The following FRY variants were observed in gnomAD, a reference collection of about 807,000 sequenced individuals.
The protein encoded by FRY is protein furry homolog.
Under a neutral mutation model 348.4 loss-of-function variants are expected in FRY, and 128 were observed. The ratio of observed to expected loss-of-function variants is 0.37; its 90% CI spans 0.32 to 0.43. FRY has a LOEUF of 0.43. Among genes scored for constraint, FRY ranks in the 20% least tolerant of loss-of-function variants. FRY has a pLI of 1.00. For missense variants in FRY, 2,736 were observed against 3,695.2 expected, an observed-to-expected ratio of 0.74 and a Z score of 6.73; for synonymous variants, 1,370 against 1,374.7, an observed-to-expected ratio of 1.00 and a Z score of 0.08.
chr13:32,183,776 CAAAAA>C (rs10706504), intron 24 of FRY, among the ~76,000 whole-genome samples: 2 of 78,112 alleles, frequency 2.6e-5, no homozygotes, highest in Non-Finnish European at 4.7e-5. Context: ...ACTCTGTCTC[CAAAAA>C]AAAAAAAAAA....
intron 8 of FRY, among the ~76,000 whole-genome samples, chr13:32,132,129 C>G (rs747079452): frequency 6.6e-6 from 1 of 151,934 alleles, no homozygotes; most frequent in Non-Finnish European, 1.5e-5. Context: ...TAAAATATAA[C>G]TGATTTTTAC....
chr13:32,037,236 A>T (rs1402249995), intron 1 of FRY, among the ~76,000 whole-genome samples: 5 of 152,220 alleles, frequency 3.3e-5, no homozygotes, highest in Admixed American at 2.0e-4. Context: ...GTAATAAGGC[A>T]CATTTCTTCT....
At chr13:32,193,365 G>T (rs1883468159) in intron 28 of FRY, among the ~76,000 whole-genome samples, 1 of 151,518 alleles carries the variant, frequency 6.6e-6, no homozygotes, top group Non-Finnish European at 1.5e-5. Flanking sequence ...TGATACACAA[G>T]TATACTTCAC....
intron 39 of FRY, among the ~76,000 whole-genome samples, chr13:32,226,355 C>T (rs942114917): frequency 6.6e-6 from 1 of 152,058 alleles, no homozygotes; most frequent in Non-Finnish European, 1.5e-5. Flanking sequence ...GCCAAGGTGC[C>T]GGATGTATCA....
intron 1 of FRY, among the ~76,000 whole-genome samples, chr13:32,064,804 T>C (rs1244551445): frequency 6.6e-6 from 1 of 152,240 alleles, no homozygotes; most frequent in East Asian, 1.9e-4. Context: ...GAATGCCTTA[T>C]ACTAAGGTCT....
At chr13:32,245,625 T>C (rs1363309395) in intron 47 of FRY, among the ~76,000 whole-genome samples, 2 of 151,368 alleles carry the variant, frequency 1.3e-5, no homozygotes, top group African/African-American at 4.9e-5. Context: ...GGAATATAGA[T>C]AGATGGAAAG....
Position 32,078,985 on chromosome 13 carries a change from C to T in FRY, c.222C>T (p.Phe74=). 1 of 1,613,970 alleles carries T rather than the reference C, an allele frequency of 6.2e-7. No homozygotes were observed. Among genetic ancestry groups the T allele is most frequent in the Non-Finnish European group, 8.5e-7 (1 of 1,179,862 alleles). Residue 74 remains phenylalanine (F), a synonymous_variant, in exon 2 of 61, where the codon TTC becomes TTT. Coordinates refer to ENST00000542859, the MANE Select transcript of FRY (RefSeq NM_023037.3). ...EYVLKSLFVN[F]TTQAERKIRI... is the part of the protein sequence containing the mutation. ...TCCTCAAAAGTTTATTTGTCAACTT[C>T]ACCACTCAGGCTGAACGCAAGATTC...
At chr13:32,167,164 A>G (rs990058983) in intron 17 of FRY, among the ~76,000 whole-genome samples, 6 of 152,192 alleles carry the variant, frequency 3.9e-5, no homozygotes, top group Non-Finnish European at 8.8e-5. Context: ...AGACCATGAC[A>G]TGGCTTTCGT....
chr13:32,254,821 A>G (rs913068064), intron 51 of FRY, among the ~76,000 whole-genome samples: 9 of 152,234 alleles, frequency 5.9e-5, no homozygotes, highest in Non-Finnish European at 1.2e-4. Context: ...GCCTGCTACA[A>G]CATGAGACCA....
chr13:32,079,020 T>C lies in FRY; in HGVS notation c.257T>C (p.Met86Thr), dbSNP rs1421219590. ...TQAERKIRII[M>T]AEPLEKPLTK... ...GCTGAACGCAAGATTCGTATCATTA[T>C]GGCAGAGCCCCTGGTGAGTACATGC... The change falls in exon 2 of 61, where the codon ATG (methionine) becomes ACG (threonine). Residue 86 changes from methionine to threonine, a missense_variant. Coordinates refer to ENST00000542859, the MANE Select transcript of FRY (RefSeq NM_023037.3). The C allele has an allele frequency of 1.2e-6, 2 of 1,612,546 alleles. No individual in the cohort carries two copies. Among genetic ancestry groups the C allele is most frequent in the East Asian group, 2.2e-5 (1 of 44,870 alleles).
intron 47 of FRY, 33 bp from the exon 48 acceptor site, chr13:32,247,290 A>G (rs775180737): frequency 6.4e-7 from 1 of 1,566,716 alleles, no homozygotes; most frequent in Non-Finnish European, 8.8e-7. Context: ...AAATTAAATT[A>G]TTTTTAACCC....
intron 29 of FRY, among the ~76,000 whole-genome samples, chr13:32,195,393 C>T (rs910870883): frequency 1.3e-5 from 2 of 152,026 alleles, no homozygotes; most frequent in African/African-American, 4.8e-5. Flanking sequence ...ATCTCTTTGT[C>T]CAGAGTGCTT....
At chr13:32,153,738 G>C (rs908923159) in intron 14 of FRY, among the ~76,000 whole-genome samples, 12 of 152,262 alleles carry the variant, frequency 7.9e-5, no homozygotes, top group Middle Eastern at 3.4e-3. Context: ...TGGCTTACAA[G>C]AGATATTTGC....
At position 32,247,548 on chromosome 13, in the gene FRY, G is replaced by A. The variant is rs749109650; in HGVS notation, c.7008+46G>A. On this transcript the variant is annotated intron_variant, in intron 48 of 60. Coordinates refer to ENST00000542859, the MANE Select transcript of FRY (RefSeq NM_023037.3). ...TTTCTGTGAACTTTAGCATGAATTT[G>A]TAGTAGCAAAGATCAAAAGTAGTTG... is the stretch of plus-strand genomic sequence containing the variant. 32 of 1,416,886 alleles carry A rather than the reference G, an allele frequency of 2.3e-5. 1 individual carries two copies. The South Asian group carries it at 3.2e-4, about 14-fold the overall frequency. The allele number at this position is 1,416,886 out of a possible 1,614,324, so 87.8% of individuals were successfully genotyped here. A position where few individuals can be genotyped will look rare whatever the true frequency, so the allele number is the denominator to read the frequency against.
At chr13:32,118,735 T>C (rs1374349015) in intron 4 of FRY, among the ~76,000 whole-genome samples, 1 of 152,196 alleles carries the variant, frequency 6.6e-6, no homozygotes, top group Non-Finnish European at 1.5e-5. Context: ...CCAAATCCTG[T>C]ACCCATTAGC....
At chr13:32,161,353 ATGAGGTAC>A in intron 17 of FRY, 102 bp downstream of exon 17, 1 of 855,088 alleles carries the variant, frequency 1.2e-6, no homozygotes, top group South Asian at 1.3e-5. Context: ...TATTTACCAA[ATGAGGTAC>A]TGGGTATGGG....
intron 28 of FRY, among the ~76,000 whole-genome samples, chr13:32,193,602 T>C (rs2138294578): frequency 6.6e-6 from 1 of 151,322 alleles, no homozygotes; most frequent in African/African-American, 2.4e-5. Flanking sequence ...TTTTTTTTTT[T>C]TGAGACCTAG....
At chr13:32,261,885 T>G in intron 52 of FRY, 69 bp downstream of exon 52, 1 of 1,422,648 alleles carries the variant, frequency 7.0e-7, no homozygotes, top group Non-Finnish European at 9.9e-7. Flanking sequence ...GGAGGACAGT[T>G]TCCAGTTGCA....
chr13:32,267,219 T>C lies in FRY; in HGVS notation c.7996T>C (p.Ser2666Pro), dbSNP rs540560079. The change falls in exon 55 of 61, where the codon TCA becomes CCA. Residue 2666 changes from serine (S) to proline (P), a missense_variant. Around this residue, in one of 9 missense-constraint regions of FRY, gnomAD observed 789 missense variants for 996.2 expected, o/e 0.79. Coordinates refer to ENST00000542859, the MANE Select transcript of FRY (RefSeq NM_023037.3). ...GVSPPPSPFF[S>P]AILAAFQPAA... The stretch of plus-strand genomic sequence containing the variant: ...CTCTCCCCCTCCCTCGCCCTTCTTC[T>C]CAGCCATCCTTGCCGCCTTTCAGCC... 5 of 1,614,036 alleles carry C rather than the reference T, an allele frequency of 3.1e-6. No individual in the cohort carries two copies. The East Asian group carries it at 1.1e-4, about 36-fold the overall frequency.
Sources: gnomAD v4.1 joint callset for allele counts (sites outside exome capture counted in the v4.1 genomes callset) on GRCh38, gnomAD v4.1.1 for gene constraint, gnomAD v4.1.1 regional missense constraint, MANE v1.5 for transcripts, NCBI Gene and HGNC (gene_info 2026-07-23, HGNC 2026-07-21) for gene names.